Variants in HSF5 observed in about 807,000 individuals in gnomAD.
The protein encoded by HSF5 is heat shock transcription factor 5, also known as heat shock factor protein 5.
In HSF5, 5 loss-of-function variants were observed where a neutral mutation model predicts 50.8. That is an observed-to-expected ratio of 0.10 (90% confidence interval 0.05 to 0.21). The LOEUF is 0.21. HSF5 is among the 10% of genes least tolerant of loss of function. HSF5 has a pLI of 1.00. For synonymous variants in HSF5, 307 were observed against 307.4 expected (o/e 1.00, Z 0.02); for missense variants, 564 against 762.6 (o/e 0.74, Z 3.07).
At chr17:58,458,633 G>T in intron 5 of HSF5, 135 bp downstream of exon 5, 1 of 626,782 alleles carries the variant, frequency 1.6e-6, no homozygotes, top group Non-Finnish European at 2.7e-6. Context: ...TAAAATTACA[G>T]CTATGTAAAA....
intron 5 of HSF5, among the ~76,000 whole-genome samples, chr17:58,439,017 G>T (rs376641708): frequency 6.6e-6 from 1 of 151,976 alleles, no homozygotes; most frequent in Non-Finnish European, 1.5e-5. Flanking sequence ...TACTTCTTTG[G>T]GGGGTTGGGG....
At chr17:58,459,017 G>C in intron 4 of HSF5, 72 bp from the exon 5 acceptor site, 1 of 1,361,750 alleles carries the variant, frequency 7.3e-7, no homozygotes, top group East Asian at 2.3e-5. Context: ...TATTTTATCA[G>C]AGGAGTTCTA....
At position 58,463,120 on chromosome 17, in the gene HSF5, T is replaced by C. The variant is rs1974816023; in HGVS notation, c.1204A>G (p.Thr402Ala). The C allele has an allele frequency of 1.9e-6, 3 of 1,614,212 alleles. No homozygotes were observed. Among genetic ancestry groups the C allele is most frequent in the Non-Finnish European group, 2.5e-6 (3 of 1,180,020 alleles). Residue 402 changes from threonine (T) to alanine (A), a missense_variant, in exon 4 of 6, where the codon ACA (threonine) becomes GCA (alanine). Thr to Ala is a moderately conservative substitution (Grantham distance 58). Coordinates refer to ENST00000323777, the MANE Select transcript of HSF5 (RefSeq NM_001080439.3). ...KVEPVENQCP[T>A]SPSYRGQHIL... Reference sequence around the variant, plus strand: ...TGTTGGCCTCTGTAAGACGGAGATGTTGGGCACTGATTCTCAACAGGCTCC... The same window carrying C: ...TGTTGGCCTCTGTAAGACGGAGATGCTGGGCACTGATTCTCAACAGGCTCC...
chr17:58,484,433 T>G (rs762858601), intron 1 of HSF5, among the ~76,000 whole-genome samples: 1 of 152,224 alleles, frequency 6.6e-6, no homozygotes, highest in Non-Finnish European at 1.5e-5. Flanking sequence ...GAGTTTAAGA[T>G]AGTTGAGGGT....
chr17:58,474,691 G>A (rs188110561), intron 2 of HSF5, among the ~76,000 whole-genome samples: 2 of 152,216 alleles, frequency 1.3e-5, no homozygotes, highest in East Asian at 3.9e-4. Flanking sequence ...AATAATATAT[G>A]AGTACTTTTC....
intron 5 of HSF5, among the ~76,000 whole-genome samples, chr17:58,451,364 C>T (rs572312079): frequency 6.6e-6 from 1 of 152,302 alleles, no homozygotes; most frequent in East Asian, 1.9e-4. Context: ...CAGAAGATTG[C>T]ACCCAACTGC....
At chr17:58,426,437 T>C (rs1301850219) in intron 5 of HSF5, among the ~76,000 whole-genome samples, 3 of 152,178 alleles carry the variant, frequency 2.0e-5, no homozygotes, top group Non-Finnish European at 4.4e-5. Flanking sequence ...TGCATATTCA[T>C]CAGAGAAGAT....
chr17:58,463,717 C>A (rs1159851087), intron 3 of HSF5, among the ~76,000 whole-genome samples: 1 of 152,184 alleles, frequency 6.6e-6, no homozygotes, highest in Non-Finnish European at 1.5e-5. Context: ...ACAGGATGCT[C>A]ACAAGTCTAC....
chr17:58,438,973 G>A (rs932645495), intron 5 of HSF5, among the ~76,000 whole-genome samples: 7 of 151,860 alleles, frequency 4.6e-5, no homozygotes, highest in African/African-American at 1.7e-4. Context: ...AAAAAAATCA[G>A]CTAGGTGTGG....
In HSF5 at chr17:58,482,538, G is replaced by A. The variant is rs531103954; in HGVS notation, c.551-2271C>T. Among the ~76,000 whole-genome samples the A allele has an allele frequency of 7.9e-5, 12 of 151,446 alleles. 1 individual carries two copies. In the South Asian group the frequency reaches 1.5e-3, roughly 18 times the overall value. On this transcript the variant is annotated intron_variant, in intron 1 of 5. Coordinates refer to ENST00000323777, the MANE Select transcript of HSF5 (RefSeq NM_001080439.3). ...AGCCTGACTAACATGGAGAAACCCC[G>A]TCTCTACTAAAAATACAAAAATTAG...
In HSF5 at chr17:58,422,174, T is replaced by C. The variant is rs1235670006; in HGVS notation, c.*186A>G. 3.7e-6 allele frequency: 2 copies of C among 537,438 alleles called. No individual in the cohort carries two copies. Among genetic ancestry groups the C allele is most frequent in the African/African-American group, 3.8e-5 (2 of 52,192 alleles). 33.3% of individuals were successfully genotyped at this position (537,438 alleles called of 1,614,324 possible). On this transcript the variant is annotated 3_prime_UTR_variant, in exon 6 of 6. Transcript: ENST00000323777. ...TTCAGTAGTTTGTCAAGGCAGATAATCTGAACTGAACCACTGTAGTACATA... is the reference window on the plus strand; with the variant it reads ...TTCAGTAGTTTGTCAAGGCAGATAACCTGAACTGAACCACTGTAGTACATA...
intron 1 of HSF5, among the ~76,000 whole-genome samples, chr17:58,487,065 G>A (rs908702458): frequency 2.6e-5 from 4 of 151,972 alleles, no homozygotes; most frequent in African/African-American, 9.7e-5. Flanking sequence ...GCACCACCAT[G>A]CCTGGCTAAT....
intron 5 of HSF5, among the ~76,000 whole-genome samples, chr17:58,440,866 C>A (rs1179018766): frequency 6.6e-6 from 1 of 151,938 alleles, no homozygotes; most frequent in African/African-American, 2.4e-5. Context: ...GACCTAGTCT[C>A]AGAGAAAGAG....
chr17:58,469,921 G>A (rs1329062416), intron 2 of HSF5, among the ~76,000 whole-genome samples: 3 of 152,046 alleles, frequency 2.0e-5, no homozygotes, highest in African/African-American at 2.4e-5. Context: ...TATTGCTCCC[G>A]CTATAGGTGA....
At chr17:58,431,113 C>G (rs996887562) in intron 5 of HSF5, among the ~76,000 whole-genome samples, 1 of 152,290 alleles carries the variant, frequency 6.6e-6, no homozygotes, top group Admixed American at 6.5e-5. Flanking sequence ...TTCAGAAGCT[C>G]TCTTCTCTTG....
chr17:58,482,642 G>A (rs1379834046), intron 1 of HSF5, among the ~76,000 whole-genome samples: 2 of 145,100 alleles, frequency 1.4e-5, no homozygotes, highest in Non-Finnish European at 3.0e-5. Context: ...CCTGGGAGGT[G>A]GAGGTTGCAG....
chr17:58,445,672 A>C (rs1974552001), intron 5 of HSF5, among the ~76,000 whole-genome samples: 1 of 152,232 alleles, frequency 6.6e-6, no homozygotes, highest in Non-Finnish European at 1.5e-5. Context: ...TACCTGGAAT[A>C]GTTAAATGCA....
At chr17:58,479,870 C>G in intron 2 of HSF5, 23 bp downstream of exon 2, 1 of 1,587,520 alleles carries the variant, frequency 6.3e-7, no homozygotes, top group Non-Finnish European at 8.6e-7. Context: ...AAATAGAAGG[C>G]CATGAACCTG....
chr17:58,452,708 C>A (rs547614478), intron 5 of HSF5, among the ~76,000 whole-genome samples: 2 of 152,344 alleles, frequency 1.3e-5, no homozygotes, highest in South Asian at 4.1e-4. Context: ...GCACCTCTGC[C>A]CAGCGGCCGC....
Sources: gnomAD v4.1 joint callset for allele counts (sites outside exome capture counted in the v4.1 genomes callset) on GRCh38, gnomAD v4.1.1 for gene constraint, MANE v1.5 for transcripts, NCBI Gene and HGNC (gene_info 2026-07-23, HGNC 2026-07-21) for gene names.